The following PMEPA1 variants were observed in gnomAD, a reference collection of about 807,000 sequenced individuals.
PMEPA1 encodes prostate transmembrane protein, androgen induced 1.
PMEPA1 carries 11 observed loss-of-function variants against 23.0 expected under a neutral mutation model. That is an observed-to-expected ratio of 0.48 (90% CI 0.30 to 0.79). The LOEUF is 0.79. PMEPA1 is among the 30% of genes least tolerant of loss of function. The pLI is 0.06. For missense variants in PMEPA1, 377 were observed against 390.9 expected (o/e 0.96, Z 0.30); for synonymous variants, 204 against 166.4 (o/e 1.23, Z -1.74).
Position 57,652,901 on chromosome 20 carries a change from G to A in PMEPA1, c.318+132C>T. On this transcript the variant is annotated intron_variant, in intron 3 of 3. Coordinates refer to ENST00000341744, the MANE Select transcript of PMEPA1 (RefSeq NM_020182.5). This position sits in a 1 kb window ranked among gnomAD's most constrained non-coding sequence, Gnocchi z 6.1. ...GGAGCAGATGATCTCCGGCAAGGAG[G>A]ATCCCAGCAGCAAGGGCACTGCAGA... 1.3e-6 allele frequency: 1 copy of A among 799,576 alleles called. No homozygotes were observed. Among genetic ancestry groups the A allele is most frequent in the Non-Finnish European group, 2.1e-6 (1 of 475,924 alleles). The allele number at this position is 799,576 out of a possible 1,614,324, so 49.5% of individuals were successfully genotyped here.
intron 1 of PMEPA1, among the ~76,000 whole-genome samples, chr20:57,680,289 A>T (rs2071695117): frequency 6.6e-6 from 1 of 152,214 alleles, no homozygotes; most frequent in South Asian, 2.1e-4. Context: ...TCTGCAGATG[A>T]AGGGACTGGG....
In PMEPA1 at chr20:57,659,709, A is replaced by G; in HGVS notation, c.110-12T>C. ...AAACTCCAGCTCCGCTGTGGAGACA[A>G]AGAGGGACACGTGAGACCCTGGACA... On this transcript the variant is annotated splice_polypyrimidine_tract_variant and intron_variant, in intron 1 of 3. Transcript: ENST00000341744. 6.4e-7 allele frequency: 1 copy of G among 1,561,018 alleles called. No homozygotes were observed. The highest frequency in any genetic ancestry group is 8.7e-7 in the Non-Finnish European group (1 of 1,152,640).
upstream of PMEPA1, chr20:57,710,198 G>A: frequency 2.0e-6 from 1 of 490,222 alleles, no homozygotes; most frequent in Non-Finnish European, 3.2e-6. Flanking sequence ...CGGCACCCGC[G>A]CAACGGAGGA....
intron 1 of PMEPA1, 21 bp from the exon 2 acceptor site, chr20:57,659,718 A>T (rs1396793745): frequency 6.4e-7 from 1 of 1,555,200 alleles, no homozygotes; most frequent in South Asian, 1.2e-5. Flanking sequence ...AAAGAGGGAC[A>T]CGTGAGACCC....
intron 1 of PMEPA1, among the ~76,000 whole-genome samples, chr20:57,696,222 G>A (rs117620265): frequency 0.01 from 1,534 of 152,300 alleles, 24 homozygotes; most frequent in Middle Eastern, 0.034. Context: ...AGTGACAGGC[G>A]GTTCTGAGGC....
intron 1 of PMEPA1, among the ~76,000 whole-genome samples, chr20:57,705,231 T>C (rs2146716252): frequency 6.6e-6 from 1 of 152,326 alleles, no homozygotes; most frequent in Middle Eastern, 3.4e-3. Flanking sequence ...CTTTGACAAA[T>C]GCTAAACTCA....
intron 1 of PMEPA1, among the ~76,000 whole-genome samples, chr20:57,686,442 ATGT>A (rs2146690052): frequency 6.6e-6 from 1 of 151,734 alleles, no homozygotes; most frequent in East Asian, 1.9e-4. Flanking sequence ...TCTCTCTCAA[ATGT>A]TGTAAAGCCC....
rs1179930887 is a variant in PMEPA1 at position 57,656,938 on chromosome 20, G to C, written c.264+2605C>G. On this transcript the variant is annotated intron_variant, in intron 2 of 3. Transcript: ENST00000341744. The surrounding 1 kb of genome is among the most constrained non-coding windows in gnomAD (Gnocchi z 4.7). ...GCCCAGGGACTCCTGTCTGGCAGGGGGTCCCCAGGGGAGCTGCCACATTCT... is the reference window on the plus strand; with the variant it reads ...GCCCAGGGACTCCTGTCTGGCAGGGCGTCCCCAGGGGAGCTGCCACATTCT... Among the ~76,000 whole-genome samples, 1 of 152,200 alleles carries C rather than the reference G, an allele frequency of 6.6e-6. No homozygotes were observed. The highest frequency in any genetic ancestry group is 1.5e-5 in the Non-Finnish European group (1 of 68,032).
chr20:57,678,062 AG>A (rs2071662283), intron 1 of PMEPA1, among the ~76,000 whole-genome samples: 1 of 152,226 alleles, frequency 6.6e-6, no homozygotes, highest in African/African-American at 2.4e-5. Flanking sequence ...CAGTTAGAAA[AG>A]GGTAGAATGA....
At chr20:57,686,605 G>A (rs2071804115) in intron 1 of PMEPA1, among the ~76,000 whole-genome samples, 1 of 152,222 alleles carries the variant, frequency 6.6e-6, no homozygotes, top group Admixed American at 6.5e-5. Flanking sequence ...AAATGCCCTT[G>A]TGCATTAAAC....
intron 1 of PMEPA1, among the ~76,000 whole-genome samples, chr20:57,701,398 C>T (rs2072009346): frequency 6.6e-6 from 1 of 152,196 alleles, no homozygotes; most frequent in Non-Finnish European, 1.5e-5. Context: ...AGGAATTCTC[C>T]TTCTGGGGGC....
At chr20:57,685,959 C>T (rs2071795287) in intron 1 of PMEPA1, among the ~76,000 whole-genome samples, 2 of 151,924 alleles carry the variant, frequency 1.3e-5, no homozygotes, top group South Asian at 2.1e-4. Context: ...AATGAGTCAC[C>T]CTCCCTTCCC....
Position 57,709,811 on chromosome 20 carries a change from G to A in PMEPA1, c.-229C>T. 9.2e-6 allele frequency: 9 copies of A among 977,416 alleles called. No homozygotes were observed. Among genetic ancestry groups the A allele is most frequent in the Non-Finnish European group, 1.1e-5 (9 of 826,132 alleles). 60.5% of individuals were successfully genotyped at this position (977,416 alleles called of 1,614,324 possible). A position where few individuals can be genotyped will look rare whatever the true frequency, so the allele number is the denominator to read the frequency against. On this transcript the variant is annotated 5_prime_UTR_variant, in exon 1 of 4. Coordinates refer to ENST00000341744, the MANE Select transcript of PMEPA1 (RefSeq NM_020182.5). ...CGGCCTCCCCTCGGCAGCCCCGGGGGCGTCGGCAGTGCCCGCGGGTGGCGT... is the reference window on the plus strand; with the variant it reads ...CGGCCTCCCCTCGGCAGCCCCGGGGACGTCGGCAGTGCCCGCGGGTGGCGT...
intron 1 of PMEPA1, among the ~76,000 whole-genome samples, chr20:57,688,753 G>T (rs2071835492): frequency 6.6e-6 from 1 of 152,220 alleles, no homozygotes; most frequent in Non-Finnish European, 1.5e-5. Flanking sequence ...TAAGCCTAGA[G>T]CCAGGGAATC....
At position 57,690,334 on chromosome 20, in the gene PMEPA1, C is replaced by T. The variant is rs373085282; in HGVS notation, c.109+19140G>A. ...CACCCACCCCCACCACTGCCACCCGCCCTGCATCAGCGCTACACATGCAAA... is the reference window on the plus strand; with the variant it reads ...CACCCACCCCCACCACTGCCACCCGTCCTGCATCAGCGCTACACATGCAAA... On this transcript the variant is annotated intron_variant, in intron 1 of 3. Transcript: ENST00000341744. 7.4e-6 allele frequency: 7 copies of T among 951,576 alleles called. No homozygotes were observed. In the East Asian group the frequency reaches 1.8e-4, roughly 25 times the overall value. 58.9% of individuals were successfully genotyped at this position (951,576 alleles called of 1,614,324 possible).
chr20:57,651,974 C>A lies in PMEPA1; in HGVS notation c.*79G>T. 7.9e-7 allele frequency: 1 copy of A among 1,262,934 alleles called. No individual in the cohort carries two copies. Among genetic ancestry groups the A allele is most frequent in the Non-Finnish European group, 1.1e-6 (1 of 940,982 alleles). The allele number at this position is 1,262,934 out of a possible 1,614,324, so 78.2% of individuals were successfully genotyped here. On this transcript the variant is annotated 3_prime_UTR_variant, in exon 4 of 4. Coordinates refer to ENST00000341744, the MANE Select transcript of PMEPA1 (RefSeq NM_020182.5). Reference sequence around the variant, plus strand: ...GATGCGTTGCTGCGCCCCCCGCCTTCCTCTCACTCCTCTTCTAAGAAGCGC... The same window carrying A: ...GATGCGTTGCTGCGCCCCCCGCCTTACTCTCACTCCTCTTCTAAGAAGCGC...
At chr20:57,654,825 G>T (rs2071303992) in intron 2 of PMEPA1, among the ~76,000 whole-genome samples, 2 of 152,126 alleles carry the variant, frequency 1.3e-5, no homozygotes, top group Non-Finnish European at 2.9e-5. Flanking sequence ...CCATCTCCCA[G>T]AGGCTGCGAG....
chr20:57,666,236 C>G (rs180707065), intron 1 of PMEPA1, among the ~76,000 whole-genome samples: 1 of 152,184 alleles, frequency 6.6e-6, no homozygotes, highest in East Asian at 1.9e-4. Context: ...CCTCCAGAGA[C>G]AGGCACAGTC....
At chr20:57,679,876 A>G (rs1302694933) in intron 1 of PMEPA1, among the ~76,000 whole-genome samples, 1 of 152,214 alleles carries the variant, frequency 6.6e-6, no homozygotes, top group Non-Finnish European at 1.5e-5. Context: ...GTCAGATGAG[A>G]AAAGGACAGG....
Sources: allele counts gnomAD v4.1 joint callset (sites outside exome capture counted in the v4.1 genomes callset), GRCh38; gene constraint gnomAD v4.1.1; non-coding constraint Gnocchi (gnomAD v3.1); transcripts MANE v1.5; gene names NCBI Gene and HGNC (gene_info 2026-07-23, HGNC 2026-07-21).